ESR1: variants seen among roughly 807,000 people sequenced by gnomAD.
ESR1 encodes the protein estrogen receptor.
ESR1 carries 12 observed loss-of-function variants against 52.7 expected under a neutral mutation model. The ratio of observed to expected loss-of-function variants is 0.23; its 90% CI spans 0.15 to 0.37. The LOEUF (loss-of-function observed/expected upper bound fraction) is 0.37, where lower values mean the gene tolerates loss of function less well. Among genes scored for constraint, ESR1 ranks in the 10% least tolerant of loss-of-function variants. The pLI, the probability that ESR1 is intolerant of heterozygous loss-of-function variation, is 1.00. For synonymous variants in ESR1, 305 were observed against 316.8 expected (o/e 0.96, Z 0.39); for missense variants, 584 against 779.7 (o/e 0.75, Z 2.99).
intron 6 of ESR1, among the ~76,000 whole-genome samples, chr6:152,109,486 A>G (rs1280277261): frequency 6.6e-6 from 1 of 151,334 alleles, no homozygotes; most frequent in Non-Finnish European, 1.5e-5. Flanking sequence ...GGCAACATGG[A>G]GAAACTCCGT....
intron 3 of ESR1, among the ~76,000 whole-genome samples, chr6:151,895,133 GT>G (rs34563069): frequency 0.73 from 92,347 of 125,734 alleles, 33,294 homozygotes; most frequent in African/African-American, 0.83. Flanking sequence ...GTTTTTTTTG[GT>G]TTTTTTTTTT....
chr6:151,762,236 T>C (rs945564333), intron 2 of ESR1, among the ~76,000 whole-genome samples: 3 of 152,236 alleles, frequency 2.0e-5, no homozygotes, highest in African/African-American at 7.2e-5. Context: ...TATTCTTTCA[T>C]GCATGGGCTT....
At chr6:151,718,590 G>A (rs978270147) in intron 2 of ESR1, among the ~76,000 whole-genome samples, 2 of 152,220 alleles carry the variant, frequency 1.3e-5, no homozygotes, top group Non-Finnish European at 2.9e-5. Flanking sequence ...ATGAAGAGGT[G>A]AAGGAGTGGT....
At chr6:151,894,025 A>G (rs1584010110) in intron 3 of ESR1, among the ~76,000 whole-genome samples, 1 of 152,150 alleles carries the variant, frequency 6.6e-6, no homozygotes, top group African/African-American at 2.4e-5. Flanking sequence ...CAGTATAGAA[A>G]TGTTCGCTTT....
At position 152,098,402 on chromosome 6, in the gene ESR1, G is replaced by A. The variant is rs2050800795; in HGVS notation, c.1554-330G>A. On this transcript the variant is annotated intron_variant, in intron 7 of 7. Transcript: ENST00000206249. The surrounding 1 kb of genome is among the most constrained non-coding windows in gnomAD (Gnocchi z 5.1). ...TTGAATGCATTTAGGTCCTATTGGA[G>A]GGGAATAGGATCTCATTTGAGGCCA... is the stretch of plus-strand genomic sequence containing the variant. Among the ~76,000 whole-genome samples the A allele has an allele frequency of 6.6e-6, 1 of 151,986 alleles. No individual in the cohort carries two copies. Among genetic ancestry groups the A allele is most frequent in the African/African-American group, 2.4e-5 (1 of 41,378 alleles).
chr6:152,005,545 C>G (rs1393937215), intron 4 of ESR1, among the ~76,000 whole-genome samples: 1 of 152,006 alleles, frequency 6.6e-6, no homozygotes, highest in African/African-American at 2.4e-5. Context: ...ATGCTTTCTT[C>G]TATTGGGCAG....
chr6:151,998,832 C>T (rs1183121615), intron 4 of ESR1, among the ~76,000 whole-genome samples: 1 of 152,084 alleles, frequency 6.6e-6, no homozygotes, highest in African/African-American at 2.4e-5. Context: ...AAAACAGCAT[C>T]CTTTCATGTA....
intron 3 of ESR1, among the ~76,000 whole-genome samples, chr6:151,916,439 T>A (rs533908632): frequency 1.3e-5 from 2 of 152,326 alleles, no homozygotes; most frequent in Admixed American, 6.5e-5. Context: ...CTAGACACAG[T>A]TCTTATTAAG....
chr6:152,129,550 T>C (rs1462527797), exon 7 of ESR1: 1 of 117,306 alleles, frequency 8.5e-6, no homozygotes, highest in African/African-American at 3.5e-5. Flanking sequence ...GCTATTTTGT[T>C]TAGGCTAGAA....
intron 5 of ESR1, 83 bp downstream of exon 5, chr6:152,011,877 G>A (rs2042790565): frequency 1.4e-6 from 2 of 1,481,110 alleles, no homozygotes; most frequent in African/African-American, 1.4e-5. Flanking sequence ...TCATCTCTCG[G>A]TGAAGCTTCA....
chr6:151,981,686 T>C (rs1333083584), intron 4 of ESR1, among the ~76,000 whole-genome samples: 1 of 152,188 alleles, frequency 6.6e-6, no homozygotes, highest in Non-Finnish European at 1.5e-5. Flanking sequence ...ACTATAAGAT[T>C]GTCTGTTTAA....
intron 1 of ESR1, among the ~76,000 whole-genome samples, chr6:151,817,103 G>A (rs1289807402): frequency 6.6e-6 from 1 of 152,128 alleles, no homozygotes; most frequent in South Asian, 2.1e-4. Context: ...GGAGTTGGAA[G>A]CTCATACTTA....
intron 3 of ESR1, among the ~76,000 whole-genome samples, chr6:151,898,794 T>C (rs1274846336): frequency 2.0e-5 from 3 of 152,038 alleles, no homozygotes; most frequent in African/African-American, 7.2e-5. Flanking sequence ...CTCCCACGTC[T>C]ACCTCTTTCT....
chr6:151,674,869 T>C (rs1778199826), intron 1 of ESR1, among the ~76,000 whole-genome samples: 1 of 152,222 alleles, frequency 6.6e-6, no homozygotes, highest in Non-Finnish European at 1.5e-5. Flanking sequence ...TCAGTGAAAG[T>C]TCATGGACAA....
At chr6:151,715,474 A>T (rs985745884) in intron 2 of ESR1, among the ~76,000 whole-genome samples, 1 of 150,176 alleles carries the variant, frequency 6.7e-6, no homozygotes. Flanking sequence ...CAGGTACATC[A>T]TCAAATATAG....
At chr6:151,678,520 A>G (rs1778335714) in intron 1 of ESR1, among the ~76,000 whole-genome samples, 1 of 151,960 alleles carries the variant, frequency 6.6e-6, no homozygotes, top group Non-Finnish European at 1.5e-5. Flanking sequence ...CAAAAATCGG[A>G]ACATCTGTGG....
intron 4 of ESR1, among the ~76,000 whole-genome samples, chr6:151,996,153 T>A (rs865937895): frequency 1.3e-5 from 2 of 152,190 alleles, no homozygotes; most frequent in Non-Finnish European, 2.9e-5. Flanking sequence ...ATAGTCTGTA[T>A]GGGACAGCCT....
At chr6:151,762,204 T>G (rs1412379561) in intron 2 of ESR1, among the ~76,000 whole-genome samples, 1 of 152,198 alleles carries the variant, frequency 6.6e-6, no homozygotes, top group Non-Finnish European at 1.5e-5. Context: ...GAAAATGAAT[T>G]CATCATTCTG....
At chr6:152,044,475 A>G (rs150558128) in intron 5 of ESR1, among the ~76,000 whole-genome samples, 1 of 152,334 alleles carries the variant, frequency 6.6e-6, no homozygotes, top group African/African-American at 2.4e-5. Context: ...ATTGACTCAC[A>G]CAATCACAAG....
Sources: allele counts gnomAD v4.1 joint callset (sites outside exome capture counted in the v4.1 genomes callset), GRCh38; gene constraint gnomAD v4.1.1; non-coding constraint Gnocchi (gnomAD v3.1); transcripts MANE v1.5; gene names NCBI Gene and HGNC (gene_info 2026-07-23, HGNC 2026-07-21).